NLRP14: variants seen among roughly 807,000 people sequenced by gnomAD.
NLRP14 encodes the protein NACHT, LRR and PYD domains-containing protein 14.
NLRP14 carries 105 observed loss-of-function variants against 94.7 expected under a neutral mutation model. The observed-to-expected ratio is 1.11, with a 90% confidence interval of 0.95 to 1.30. The LOEUF (loss-of-function observed/expected upper bound fraction) is 1.30, where lower values mean the gene tolerates loss of function less well. Among genes scored for constraint, NLRP14 ranks in the 50% most tolerant of loss-of-function variants. The pLI, the probability that NLRP14 is intolerant of heterozygous loss-of-function variation, is 0.00. For synonymous variants in NLRP14, 508 were observed against 459.9 expected (o/e 1.10, Z -1.34); for missense variants, 1,362 against 1,254.1 (o/e 1.09, Z -1.30).
In NLRP14 at chr11:7,058,265, C is replaced by A; in HGVS notation, c.2463-15C>A. 6.8e-6 allele frequency: 11 copies of A among 1,609,748 alleles called. No homozygotes were observed. Among genetic ancestry groups the A allele is most frequent in the Non-Finnish European group, 9.3e-6 (11 of 1,176,606 alleles). On this transcript the variant is annotated splice_polypyrimidine_tract_variant and intron_variant, in intron 7 of 11. Coordinates refer to ENST00000299481, the MANE Select transcript of NLRP14 (RefSeq NM_176822.4). ...TGGGAATTGACAGATCTCTTCTCAT[C>A]TCTTTCTCTTTCAGCTTAGAAAGCT...
At chr11:7,083,571 G>A in the NLRP14 span, among the ~76,000 whole-genome samples, 2 of 152,180 alleles carry the variant, frequency 1.3e-5, no homozygotes, top group Non-Finnish European at 2.9e-5. Context: ...TCTTCTCCCA[G>A]GGACTGTTGA....
rs947819121 is a variant in NLRP14 at position 7,071,395 on chromosome 11, G to T, written c.*87G>T. On this transcript the variant is annotated 3_prime_UTR_variant, in exon 12 of 12. Coordinates refer to ENST00000299481, the MANE Select transcript of NLRP14 (RefSeq NM_176822.4). The stretch of plus-strand genomic sequence containing the variant: ...ACCCAGACTTGGGTGCTTAGCTTCA[G>T]ATACTCTATGCCCAGAGATAGTGCA... 1.9e-6 allele frequency: 2 copies of T among 1,055,772 alleles called. No individual in the cohort carries two copies. The highest frequency in any genetic ancestry group is 5.2e-5 in the East Asian group (2 of 38,474). The allele number at this position is 1,055,772 out of a possible 1,614,324, so 65.4% of individuals were successfully genotyped here.
intron 9 of NLRP14, among the ~76,000 whole-genome samples, chr11:7,061,311 C>A (rs1284927127): frequency 6.6e-6 from 1 of 152,094 alleles, no homozygotes; most frequent in Non-Finnish European, 1.5e-5. Context: ...AACTGGAAGA[C>A]AAAGTTTTAC....
chr11:7,086,389 C>T, the NLRP14 span, among the ~76,000 whole-genome samples: 1 of 152,204 alleles, frequency 6.6e-6, no homozygotes, highest in Non-Finnish European at 1.5e-5. Context: ...AGGCTTTTGC[C>T]ACAAGCCCTA....
In NLRP14 at chr11:7,060,033, C is replaced by A; in HGVS notation, c.2773C>A (p.Arg925=). 4 of 1,612,696 alleles carry A rather than the reference C, an allele frequency of 2.5e-6. No individual in the cohort carries two copies. Among genetic ancestry groups the A allele is most frequent in the Non-Finnish European group, 2.5e-6 (3 of 1,178,956 alleles). Residue 925 remains arginine, a synonymous_variant, in exon 9 of 12, where the codon CGG becomes AGG. Coordinates refer to ENST00000299481, the MANE Select transcript of NLRP14 (RefSeq NM_176822.4). ...AGTGAAGCTTCTGTGTGATGTCTTT[C>A]GGCATCCAAGCTGTAATCTTCAGGA... The part of the protein sequence containing the change: ...NGVKLLCDVF[R]HPSCNLQDLE...
chr11:7,023,465 T>G (rs1303158312), intron 1 of NLRP14, among the ~76,000 whole-genome samples: 1 of 146,160 alleles, frequency 6.8e-6, no homozygotes, highest in East Asian at 1.9e-4. Flanking sequence ...TGTATAAATC[T>G]ATTTTTACAC....
At chr11:7,045,686 T>C (rs1260124294) in intron 4 of NLRP14, among the ~76,000 whole-genome samples, 16 of 152,092 alleles carry the variant, frequency 1.1e-4, no homozygotes, top group Admixed American at 7.9e-4. Context: ...TGAATATTTA[T>C]TGACTAGCTG....
the NLRP14 span, chr11:7,089,729 C>G: frequency 1.3e-6 from 2 of 1,536,732 alleles, no homozygotes; most frequent in Non-Finnish European, 1.7e-6. Context: ...CCCCGCGCCG[C>G]GACCCCTACC....
At position 7,047,382 on chromosome 11, in the gene NLRP14, G is replaced by A. The variant is rs141776978; in HGVS notation, c.2123+550G>A. Among the ~76,000 whole-genome samples, 188 of 150,768 alleles carry A rather than the reference G, an allele frequency of 1.2e-3. No homozygotes were observed. The Middle Eastern group carries it at 0.017, about 14-fold the overall frequency. On this transcript the variant is annotated intron_variant, in intron 5 of 11. Coordinates refer to ENST00000299481, the MANE Select transcript of NLRP14 (RefSeq NM_176822.4). ...CAGGCTGGAATGCAGTGATGCTATCGCAGCTAGAACTCCTGGGCTCAAGCA... is the reference window on the plus strand; with the variant it reads ...CAGGCTGGAATGCAGTGATGCTATCACAGCTAGAACTCCTGGGCTCAAGCA...
rs1852271926 is a variant in NLRP14 at position 7,042,531 on chromosome 11, G to T, written c.505G>T (p.Asp169Tyr). The change falls in exon 4 of 12, where the codon GAT becomes TAT. Residue 169 changes from aspartate to tyrosine, a missense_variant. Physicochemically the swap from Asp to Tyr is radical, Grantham distance 160 (BLOSUM62 -3). Transcript: ENST00000299481. ...ACTGTTGGAACACTTGTTCGATGTGGATGTCAAAACCGGTGCACAGCCACA... is the reference window on the plus strand; with the variant it reads ...ACTGTTGGAACACTTGTTCGATGTGTATGTCAAAACCGGTGCACAGCCACA... ...RKLLEHLFDV[D>Y]VKTGAQPQIV... is the part of the protein sequence containing the mutation. 1 of 1,614,090 alleles carries T rather than the reference G, an allele frequency of 6.2e-7. No individual in the cohort carries two copies. The highest frequency in any genetic ancestry group is 1.3e-5 in the African/African-American group (1 of 74,936).
rs74749957 is a variant in NLRP14, at chr11:7,034,193, C to G, written c.-21-4373C>G. Among the ~76,000 whole-genome samples the G allele has an allele frequency of 2.6e-3, 393 of 152,326 alleles. 3 individuals are homozygous for G. The highest frequency in any genetic ancestry group is 9.3e-3 in the African/African-American group (385 of 41,576). On this transcript the variant is annotated intron_variant, in intron 1 of 11. Coordinates refer to ENST00000299481, the MANE Select transcript of NLRP14 (RefSeq NM_176822.4). ...TCTCTAAGAGAGATTTGTCTCTTTT[C>G]TCTCATATATTCGGACATTTGTCAA... is the stretch of plus-strand genomic sequence containing the variant.
At chr11:7,072,011 T>A (rs1451466896), downstream of NLRP14, among the ~76,000 whole-genome samples, 1 of 152,230 alleles carries the variant, frequency 6.6e-6, no homozygotes, top group African/African-American at 2.4e-5. Context: ...ACAGATTCTT[T>A]CATTTGGCAA....
At chr11:7,024,745 G>GA (rs145177797) in intron 1 of NLRP14, among the ~76,000 whole-genome samples, 1 of 149,954 alleles carries the variant, frequency 6.7e-6, no homozygotes, top group Admixed American at 6.7e-5. Flanking sequence ...CATTTTAATG[G>GA]AAAAAATATG....
the NLRP14 span, among the ~76,000 whole-genome samples, chr11:7,084,344 G>T: frequency 6.6e-6 from 1 of 152,106 alleles, no homozygotes; most frequent in African/African-American, 2.4e-5. Context: ...AACTTCCTGG[G>T]AGATAGGAGT....
rs568101899 is a variant in NLRP14 at position 7,038,062 on chromosome 11, GA to G, written c.-21-503del. Reference sequence around the variant, plus strand: ...CATATTCTAATTGCATGTGTTTGTTGAGTAATAATGTGTTGGCAGGGGTGCA... The same window carrying G: ...CATATTCTAATTGCATGTGTTTGTTGGTAATAATGTGTTGGCAGGGGTGCA... On this transcript the variant is annotated intron_variant, in intron 1 of 11. Coordinates refer to ENST00000299481, the MANE Select transcript of NLRP14 (RefSeq NM_176822.4). Among the ~76,000 whole-genome samples, 777 of 152,276 alleles carry G rather than the reference GA, an allele frequency of 5.1e-3. 3 individuals carry two copies. The highest frequency in any genetic ancestry group is 0.012 in the African/African-American group (497 of 41,562).
chr11:7,031,578 C>G (rs1010582646), intron 1 of NLRP14, among the ~76,000 whole-genome samples: 1 of 152,120 alleles, frequency 6.6e-6, no homozygotes, highest in African/African-American at 2.4e-5. Context: ...CGTGCAGTGC[C>G]CGCTTCTTGA....
chr11:7,026,579 A>C (rs1232831307), intron 1 of NLRP14, among the ~76,000 whole-genome samples: 1 of 152,064 alleles, frequency 6.6e-6, no homozygotes, highest in Non-Finnish European at 1.5e-5. Flanking sequence ...TAGTTCAACC[A>C]TTGTGGAAGT....
chr11:7,047,763 C>CTTTTTTTT lies in NLRP14; in HGVS notation c.2123+935_2123+936insTTTTTTTT, dbSNP rs370253823. ...AATTTATCTTCTTTCTCTTTCTTTT[C>CTTTTTTTT]TTTTCTTTTTTTTTTTTGAGACAGT... On this transcript the variant is annotated intron_variant, in intron 5 of 11. Transcript: ENST00000299481. Among the ~76,000 whole-genome samples, 4 of 123,844 alleles carry CTTTTTTTT rather than the reference C, an allele frequency of 3.2e-5. 1 individual carries two copies. The highest frequency in any genetic ancestry group is 4.9e-5 in the Non-Finnish European group (3 of 60,740). The allele number at this position is 123,844 out of a possible 152,430, so 81.2% of individuals were successfully genotyped here. A position where few individuals can be genotyped will look rare whatever the true frequency, so the allele number is the denominator to read the frequency against.
intron 10 of NLRP14, among the ~76,000 whole-genome samples, chr11:7,069,996 T>C (rs777654894): frequency 2.0e-5 from 3 of 152,224 alleles, no homozygotes; most frequent in Non-Finnish European, 4.4e-5. Context: ...TTTTTAGTGA[T>C]GTTCAAGGAT....
Sources: gnomAD v4.1 joint callset for allele counts (sites outside exome capture counted in the v4.1 genomes callset) on GRCh38, gnomAD v4.1.1 for gene constraint, MANE v1.5 for transcripts, NCBI Gene and HGNC (gene_info 2026-07-23, HGNC 2026-07-21) for gene names.